Variants in DPP6 observed in about 807,000 individuals in gnomAD.
DPP6 encodes dipeptidyl peptidase like 6.
DPP6 carries 69 observed loss-of-function variants against 122.6 expected under a neutral mutation model. That is an observed-to-expected ratio of 0.56 (90% CI 0.46 to 0.69). The LOEUF (loss-of-function observed/expected upper bound fraction) is 0.69. Among genes scored for constraint, DPP6 ranks in the 30% least tolerant of loss-of-function variants. The pLI, the probability that DPP6 is intolerant of heterozygous loss-of-function variation, is 0.00. For synonymous variants in DPP6, 418 were observed against 433.1 expected (o/e 0.97, Z 0.43); for missense variants, 928 against 1,116.9 (o/e 0.83, Z 2.41).
At chr7:154,600,177 G>T (rs1833346097) in intron 5 of DPP6, among the ~76,000 whole-genome samples, 2 of 151,202 alleles carry the variant, frequency 1.3e-5, no homozygotes, top group African/African-American at 4.8e-5. Flanking sequence ...GACCAGGCTG[G>T]AGTACAGTGG....
chr7:154,460,044 T>C (rs1821161387), intron 2 of DPP6, among the ~76,000 whole-genome samples: 1 of 139,944 alleles, frequency 7.1e-6, no homozygotes, highest in Non-Finnish European at 1.5e-5. Flanking sequence ...TGCAATGGCA[T>C]GATCCTAGCT....
chr7:154,634,053 G>A (rs1835570839), intron 5 of DPP6, among the ~76,000 whole-genome samples: 1 of 142,602 alleles, frequency 7.0e-6, no homozygotes, highest in South Asian at 2.2e-4. Flanking sequence ...GGGTACATGT[G>A]CACAACATGC....
At chr7:154,291,485 A>G (rs1165452049) in intron 1 of DPP6, among the ~76,000 whole-genome samples, 2 of 152,136 alleles carry the variant, frequency 1.3e-5, no homozygotes, top group Non-Finnish European at 2.9e-5. Context: ...ACTGGATTCC[A>G]TGCTCACTCA....
chr7:154,247,329 C>T (rs563699953), intron 1 of DPP6, among the ~76,000 whole-genome samples: 1 of 152,160 alleles, frequency 6.6e-6, no homozygotes, highest in South Asian at 2.1e-4. Flanking sequence ...GAAAAAGAAT[C>T]GTCAAGTAAC....
chr7:154,858,649 T>C (rs1803044031), intron 17 of DPP6: 1 of 152,348 alleles, frequency 6.6e-6, no homozygotes, highest in African/African-American at 2.4e-5. Flanking sequence ...AGGGAAGAGA[T>C]GCTCCTCAGG....
At chr7:154,028,183 A>G (rs1460234387) in intron 1 of DPP6, among the ~76,000 whole-genome samples, 1 of 151,768 alleles carries the variant, frequency 6.6e-6, no homozygotes, top group East Asian at 1.9e-4. Flanking sequence ...AGCTCCTAAT[A>G]TGTTGTTGTT....
At chr7:153,983,331 G>A (rs1796684490) in intron 1 of DPP6, among the ~76,000 whole-genome samples, 1 of 152,232 alleles carries the variant, frequency 6.6e-6, no homozygotes, top group South Asian at 2.1e-4. Flanking sequence ...CTTCCCTGTG[G>A]CTTTGTTTAC....
intron 1 of DPP6, among the ~76,000 whole-genome samples, chr7:154,365,973 A>G (rs1235370449): frequency 6.2e-5 from 8 of 129,916 alleles, no homozygotes; most frequent in African/African-American, 2.0e-4. Context: ...AAAAAAAAAA[A>G]AAAAAAGTGG....
At chr7:153,843,252 GCATA>G in the DPP6 span, among the ~76,000 whole-genome samples, 1 of 148,294 alleles carries the variant, frequency 6.7e-6, no homozygotes, top group Non-Finnish European at 1.5e-5. Context: ...ACATACATGT[GCATA>G]CAGACACACA....
intron 1 of DPP6, among the ~76,000 whole-genome samples, chr7:154,408,921 A>G (rs750935930): frequency 1.4e-4 from 22 of 152,240 alleles, no homozygotes; most frequent in Non-Finnish European, 2.6e-4. Flanking sequence ...CTGGTGGACT[A>G]TTTGAGGTCA....
chr7:154,232,636 C>G (rs990612817), intron 1 of DPP6, among the ~76,000 whole-genome samples: 1 of 152,194 alleles, frequency 6.6e-6, no homozygotes, highest in African/African-American at 2.4e-5. Flanking sequence ...ACATTCAGAC[C>G]CTTTGCAGCA....
intron 1 of DPP6, among the ~76,000 whole-genome samples, chr7:154,059,724 T>C (rs1232757202): frequency 4.5e-4 from 68 of 151,242 alleles, no homozygotes; most frequent in East Asian, 5.8e-4. Context: ...CTACCCGATC[T>C]GACAAAGCCT....
intron 1 of DPP6, among the ~76,000 whole-genome samples, chr7:153,928,395 C>CTTTTTTTTTTTTTTTTT (rs1467865041): frequency 6.7e-4 from 20 of 29,986 alleles, no homozygotes; most frequent in African/African-American, 1.1e-3. Context: ...TCTTTTCTTT[C>CTTTTTTTTTTTTTTTTT]ATTTTTTTTT....
intron 7 of DPP6, among the ~76,000 whole-genome samples, chr7:154,672,527 C>T (rs1197998892): frequency 1.3e-5 from 2 of 152,218 alleles, no homozygotes; most frequent in African/African-American, 4.8e-5. Flanking sequence ...AAATAGCCAG[C>T]ATCTATGAAT....
chr7:154,391,669 C>G (rs1210999209), intron 1 of DPP6, among the ~76,000 whole-genome samples: 2 of 152,190 alleles, frequency 1.3e-5, no homozygotes, highest in Non-Finnish European at 2.9e-5. Context: ...TAGCCTCTCA[C>G]CAGCTCCTCT....
intron 1 of DPP6, among the ~76,000 whole-genome samples, chr7:154,364,284 G>A (rs1230625018): frequency 1.3e-5 from 2 of 152,032 alleles, no homozygotes; most frequent in South Asian, 2.1e-4. Flanking sequence ...CACCATCCCC[G>A]CCCTCAGACT....
rs192298013 is a variant in DPP6 at position 154,381,545 on chromosome 7, C to T, written c.244-64669C>T. Among the ~76,000 whole-genome samples, 412 of 152,214 alleles carry T rather than the reference C, an allele frequency of 2.7e-3. 4 individuals carry two copies. The highest frequency in any genetic ancestry group is 9.1e-3 in the African/African-American group (378 of 41,534). On this transcript the variant is annotated intron_variant, in intron 1 of 25. Transcript: ENST00000377770. The stretch of plus-strand genomic sequence containing the variant: ...ATGACAAAAGTTTCATCAGACCATC[C>T]GTACGCTCACACTTTGATGTTTACT...
At chr7:153,914,970 T>C (rs935177993) in intron 1 of DPP6, among the ~76,000 whole-genome samples, 14 of 152,250 alleles carry the variant, frequency 9.2e-5, no homozygotes, top group Non-Finnish European at 2.9e-5. Context: ...AACTATCTTG[T>C]CCTTGTCTAG....
intron 1 of DPP6, among the ~76,000 whole-genome samples, chr7:154,053,970 G>A (rs1027612006): frequency 2.0e-5 from 3 of 148,442 alleles, no homozygotes; most frequent in Non-Finnish European, 4.5e-5. Context: ...TTAGAAGGGA[G>A]GAAACTGTGC....
Sources: allele counts gnomAD v4.1 joint callset (sites outside exome capture counted in the v4.1 genomes callset), GRCh38; gene constraint gnomAD v4.1.1; transcripts MANE v1.5; gene names NCBI Gene and HGNC (gene_info 2026-07-23, HGNC 2026-07-21).